The following ACYP2 variants were observed in gnomAD, a reference collection of about 807,000 sequenced individuals.
The protein encoded by ACYP2 is acylphosphatase 2.
In ACYP2, 12 loss-of-function variants were observed where a neutral mutation model predicts 11.2. That is an observed-to-expected ratio of 1.08 (90% CI 0.69 to 1.74). The LOEUF is 1.74. Ranked by LOEUF, ACYP2 falls within the 40% of genes most tolerant of loss-of-function variation. The pLI is 0.00. For missense variants in ACYP2, 134 were observed against 101.9 expected, an observed-to-expected ratio of 1.31 and a Z score of -1.35; for synonymous variants, 43 against 32.2, an observed-to-expected ratio of 1.33 and a Z score of -1.13.
At chr2:54,109,068 G>A (rs1215662548) in intron 4 of ACYP2, among the ~76,000 whole-genome samples, 1 of 152,174 alleles carries the variant, frequency 6.6e-6, no homozygotes, top group Non-Finnish European at 1.5e-5. Context: ...TCCTATCTAT[G>A]CCTGAGCATG....
chr2:54,051,663 A>G, intron 3 of ACYP2: 1 of 719,572 alleles, frequency 1.4e-6, no homozygotes, highest in Non-Finnish European at 2.6e-6. Context: ...TTGAAGGAAA[A>G]ATATGAAAGG....
intron 4 of ACYP2, among the ~76,000 whole-genome samples, chr2:54,066,717 CAAAT>C (rs1289557449): frequency 1.3e-4 from 20 of 152,004 alleles, no homozygotes; most frequent in African/African-American, 4.6e-4. Context: ...AGGCAAATAA[CAAAT>C]AAGTAGGGTG....
intron 6 of ACYP2, among the ~76,000 whole-genome samples, chr2:54,229,705 T>C (rs139111592): frequency 6.6e-6 from 1 of 152,290 alleles, no homozygotes; most frequent in East Asian, 1.9e-4. Context: ...CAAAGACTAG[T>C]TTTTCTGTTC....
At chr2:54,047,574 T>A (rs973281542) in intron 2 of ACYP2, among the ~76,000 whole-genome samples, 1 of 152,186 alleles carries the variant, frequency 6.6e-6, no homozygotes. Context: ...AAATTGATTG[T>A]ATTGTATTAG....
chr2:54,222,048 C>T (rs140103228), intron 6 of ACYP2, among the ~76,000 whole-genome samples: 1 of 152,078 alleles, frequency 6.6e-6, no homozygotes, highest in Non-Finnish European at 1.5e-5. Flanking sequence ...TTTATTGAGC[C>T]CTTACCATAT....
chr2:54,142,171 G>A (rs56696975), intron 6 of ACYP2: 28,697 of 353,434 alleles, frequency 0.081, 2,091 homozygotes, highest in East Asian at 0.33. Context: ...TTATTTTTGA[G>A]AACAGTTTTA....
intron 2 of ACYP2, among the ~76,000 whole-genome samples, chr2:54,033,981 C>T (rs1479414051): frequency 6.6e-6 from 1 of 152,208 alleles, no homozygotes; most frequent in Non-Finnish European, 1.5e-5. Context: ...CACATAATGA[C>T]ATTTTGATCA....
intron 6 of ACYP2, among the ~76,000 whole-genome samples, chr2:54,298,557 T>C (rs560045749): frequency 2.0e-5 from 3 of 152,318 alleles, no homozygotes; most frequent in African/African-American, 4.8e-5. Flanking sequence ...GCAAATTTGA[T>C]TGTAAGCATT....
At chr2:54,276,638 C>A (rs986392904) in intron 6 of ACYP2, among the ~76,000 whole-genome samples, 2 of 87,646 alleles carry the variant, frequency 2.3e-5, no homozygotes, top group African/African-American at 1.2e-4. Flanking sequence ...CACACACACA[C>A]ACACACACAC....
chr2:54,179,702 A>G (rs1216457509), intron 6 of ACYP2, among the ~76,000 whole-genome samples: 3 of 152,002 alleles, frequency 2.0e-5, no homozygotes, highest in Non-Finnish European at 2.9e-5. Flanking sequence ...TCTCATCACC[A>G]TCTTGGTTTT....
At chr2:54,180,125 G>T (rs546460428) in intron 6 of ACYP2, among the ~76,000 whole-genome samples, 1 of 152,330 alleles carries the variant, frequency 6.6e-6, no homozygotes, top group Admixed American at 6.5e-5. Context: ...TACCAAGGAT[G>T]CAGATTTAGA....
chr2:54,138,527 G>A (rs1312165481), intron 5 of ACYP2, 112 bp from the exon 3 acceptor site: 7 of 739,034 alleles, frequency 9.5e-6, no homozygotes, highest in African/African-American at 3.6e-5. Flanking sequence ...TGTTGGCATT[G>A]ACTACAAAAA....
chr2:54,126,768 TA>T (rs1680534845), intron 4 of ACYP2, among the ~76,000 whole-genome samples: 1 of 151,364 alleles, frequency 6.6e-6, no homozygotes, highest in Non-Finnish European at 1.5e-5. Context: ...CCCAACATGG[TA>T]AAACCCTGTC....
At chr2:54,233,331 G>A (rs1274482921) in intron 6 of ACYP2, among the ~76,000 whole-genome samples, 4 of 134,360 alleles carry the variant, frequency 3.0e-5, no homozygotes, top group African/African-American at 5.8e-5. Flanking sequence ...TTTTGAGACA[G>A]GGTCTCACAC....
At chr2:54,264,084 C>T (rs1040096164) in intron 6 of ACYP2, among the ~76,000 whole-genome samples, 11 of 152,118 alleles carry the variant, frequency 7.2e-5, no homozygotes, top group Admixed American at 1.3e-4. Context: ...CGGACCCTCG[C>T]GATGAGTGTT....
intron 6 of ACYP2, among the ~76,000 whole-genome samples, chr2:54,246,673 T>G (rs1398100657): frequency 6.6e-6 from 1 of 152,138 alleles, no homozygotes; most frequent in African/African-American, 2.4e-5. Flanking sequence ...TTCTCTAAAT[T>G]TTTATACCTC....
At chr2:54,087,776 T>C (rs114478667) in intron 4 of ACYP2, among the ~76,000 whole-genome samples, 1 of 152,280 alleles carries the variant, frequency 6.6e-6, no homozygotes, top group African/African-American at 2.4e-5. Context: ...GATGGATGGA[T>C]AGGTAGCAGG....
chr2:54,025,010 CA>C (rs1292587335), intron 2 of ACYP2, among the ~76,000 whole-genome samples: 2 of 151,976 alleles, frequency 1.3e-5, no homozygotes, highest in South Asian at 4.2e-4. Context: ...CAAAACAAAA[CA>C]AAAAAACTTA....
At chr2:54,240,364 G>A (rs1430189763) in intron 6 of ACYP2, among the ~76,000 whole-genome samples, 1 of 152,140 alleles carries the variant, frequency 6.6e-6, no homozygotes, top group Non-Finnish European at 1.5e-5. Flanking sequence ...CATATGTGGT[G>A]AAGCCTTCTT....
Sources: allele counts gnomAD v4.1 joint callset (sites outside exome capture counted in the v4.1 genomes callset), GRCh38; gene constraint gnomAD v4.1.1; transcripts MANE v1.5; gene names NCBI Gene and HGNC (gene_info 2026-07-23, HGNC 2026-07-21).